Variants in GABRG3 observed in about 807,000 individuals in gnomAD.
The protein encoded by GABRG3 is gamma-aminobutyric acid receptor subunit gamma-3.
In GABRG3, 25 loss-of-function variants were observed where a neutral mutation model predicts 48.8. That is an observed-to-expected ratio of 0.51 (90% CI 0.37 to 0.72). The LOEUF is 0.72. GABRG3 is among the 30% of genes least tolerant of loss of function. The pLI, the probability that GABRG3 is intolerant of heterozygous loss-of-function variation, is 0.00. For missense variants in GABRG3, 394 were observed against 577.9 expected, an observed-to-expected ratio of 0.68 and a Z score of 3.26; for synonymous variants, 227 against 217.6, an observed-to-expected ratio of 1.04 and a Z score of -0.38.
At chr15:27,018,471 T>C (rs1361593291) in intron 2 of GABRG3, among the ~76,000 whole-genome samples, 1 of 152,212 alleles carries the variant, frequency 6.6e-6, no homozygotes, top group Non-Finnish European at 1.5e-5. Flanking sequence ...TCCTTCCCTG[T>C]TACTTATCAT....
intron 3 of GABRG3, among the ~76,000 whole-genome samples, chr15:27,117,290 C>T (rs940950813): frequency 2.4e-4 from 36 of 152,284 alleles, no homozygotes; most frequent in African/African-American, 8.2e-4. Flanking sequence ...TTTCCCACCC[C>T]CTACTCTGTG....
intron 5 of GABRG3, among the ~76,000 whole-genome samples, chr15:27,358,514 G>C (rs1894915521): frequency 6.6e-6 from 1 of 152,020 alleles, no homozygotes. Flanking sequence ...TCATGAGGGT[G>C]AGATTAGGGG....
chr15:27,444,590 T>A (rs889929104), intron 5 of GABRG3, among the ~76,000 whole-genome samples: 5 of 152,302 alleles, frequency 3.3e-5, no homozygotes, highest in South Asian at 4.1e-4. Context: ...AATCTGATAA[T>A]CTTTGTCTTT....
chr15:27,279,589 T>G (rs965882255), intron 3 of GABRG3, among the ~76,000 whole-genome samples: 2 of 152,236 alleles, frequency 1.3e-5, no homozygotes, highest in African/African-American at 4.8e-5. Flanking sequence ...ATGGGTCTAT[T>G]TCTGGATTCT....
chr15:27,307,878 T>TATATAAATATATAC (rs1566772352), intron 3 of GABRG3, among the ~76,000 whole-genome samples: 56 of 77,882 alleles, frequency 7.2e-4, no homozygotes, highest in African/African-American at 3.0e-3. Flanking sequence ...TAAATGTATA[T>TATATAAATATATAC]GTTTATATAT....
intron 3 of GABRG3, among the ~76,000 whole-genome samples, chr15:27,279,904 T>G (rs1309058412): frequency 6.6e-6 from 1 of 152,198 alleles, no homozygotes; most frequent in African/African-American, 2.4e-5. Context: ...TCTTTCTGTT[T>G]ATATCTTTGA....
At chr15:27,015,383 ATTTTT>A (rs36045792) in intron 2 of GABRG3, among the ~76,000 whole-genome samples, 1 of 110,306 alleles carries the variant, frequency 9.1e-6, no homozygotes, top group Non-Finnish European at 1.8e-5. Flanking sequence ...TTTGTGTTTG[ATTTTT>A]TTTTTTTTTT....
At chr15:27,341,723 G>A (rs898281874) in intron 5 of GABRG3, among the ~76,000 whole-genome samples, 1 of 152,148 alleles carries the variant, frequency 6.6e-6, no homozygotes, top group Admixed American at 6.5e-5. Context: ...AGGGGCTCAC[G>A]GCTATTGTTA....
chr15:27,193,316 C>G (rs1360108022), intron 3 of GABRG3, among the ~76,000 whole-genome samples: 1 of 152,050 alleles, frequency 6.6e-6, no homozygotes, highest in Non-Finnish European at 1.5e-5. Flanking sequence ...TGCCCTGCCC[C>G]CAGAGGTGAA....
chr15:27,341,510 G>A (rs1018856015), intron 5 of GABRG3, among the ~76,000 whole-genome samples: 2 of 152,138 alleles, frequency 1.3e-5, no homozygotes, highest in African/African-American at 2.4e-5. Context: ...GCACACTTCC[G>A]TAGGTACATT....
chr15:27,015,433 G>A (rs1483656992), intron 2 of GABRG3, among the ~76,000 whole-genome samples: 1 of 145,882 alleles, frequency 6.9e-6, no homozygotes, highest in African/African-American at 2.5e-5. Context: ...CACCCAGGCT[G>A]GAGTGCAGTG....
chr15:27,373,398 T>C (rs1480225837), intron 5 of GABRG3, among the ~76,000 whole-genome samples: 4 of 152,170 alleles, frequency 2.6e-5, no homozygotes, highest in Admixed American at 6.5e-5. Flanking sequence ...AGGGAAAAGA[T>C]TGCTGTATTA....
At chr15:27,477,603 G>T (rs549142970) in intron 5 of GABRG3, among the ~76,000 whole-genome samples, 7 of 152,132 alleles carry the variant, frequency 4.6e-5, no homozygotes, top group Admixed American at 1.3e-4. Flanking sequence ...TTAATCAATT[G>T]TAACCAATGT....
At chr15:27,148,258 T>C (rs1157611958) in intron 3 of GABRG3, among the ~76,000 whole-genome samples, 1 of 151,804 alleles carries the variant, frequency 6.6e-6, no homozygotes, top group Non-Finnish European at 1.5e-5. Flanking sequence ...TTAGATGCAA[T>C]AAATTCCTAG....
intron 3 of GABRG3, among the ~76,000 whole-genome samples, chr15:27,100,747 G>A (rs557554391): frequency 4.1e-4 from 63 of 152,252 alleles, no homozygotes; most frequent in Admixed American, 9.2e-4. Context: ...CATTTTATGC[G>A]AAAATGTATT....
chr15:27,358,437 G>A (rs1894912446), intron 5 of GABRG3, among the ~76,000 whole-genome samples: 1 of 152,082 alleles, frequency 6.6e-6, no homozygotes, highest in African/African-American at 2.4e-5. Context: ...TTATTCCTAT[G>A]CAAATGCTGC....
chr15:27,153,561 A>G (rs1036732423), intron 3 of GABRG3, among the ~76,000 whole-genome samples: 1 of 152,186 alleles, frequency 6.6e-6, no homozygotes, highest in African/African-American at 2.4e-5. Flanking sequence ...AAACTTACAC[A>G]TTAGTTTGGA....
chr15:27,219,286 G>A (rs1201624020), intron 3 of GABRG3, among the ~76,000 whole-genome samples: 6 of 148,338 alleles, frequency 4.0e-5, no homozygotes, highest in South Asian at 4.1e-4. Flanking sequence ...GCCTTGGGGC[G>A]GGCTGGGTTT....
At chr15:27,305,276 C>A (rs1892358925) in intron 3 of GABRG3, among the ~76,000 whole-genome samples, 1 of 151,322 alleles carries the variant, frequency 6.6e-6, no homozygotes, top group Admixed American at 6.6e-5. Flanking sequence ...TTTAAAATAA[C>A]TCCAGAATTG....
Sources: allele counts gnomAD v4.1 joint callset (sites outside exome capture counted in the v4.1 genomes callset), GRCh38; gene constraint gnomAD v4.1.1; transcripts MANE v1.5; gene names NCBI Gene and HGNC (gene_info 2026-07-23, HGNC 2026-07-21).